The following NAALADL2 variants were observed in gnomAD, a reference collection of about 807,000 sequenced individuals.
NAALADL2 encodes inactive N-acetylated-alpha-linked acidic dipeptidase-like protein 2.
In NAALADL2, 76 loss-of-function variants were observed where a neutral mutation model predicts 87.2. The ratio of observed to expected loss-of-function variants is 0.87; its 90% CI spans 0.72 to 1.05. The LOEUF is 1.05. NAALADL2 is among the 50% of genes least tolerant of loss of function. NAALADL2 has a pLI of 0.00. For missense variants in NAALADL2, 1,089 were observed against 945.8 expected (o/e 1.15, Z -1.99); for synonymous variants, 354 against 331.0 (o/e 1.07, Z -0.75).
At chr3:175,444,111 G>T (rs539756840) in intron 5 of NAALADL2, among the ~76,000 whole-genome samples, 1 of 152,308 alleles carries the variant, frequency 6.6e-6, no homozygotes, top group South Asian at 2.1e-4. Context: ...TGAAGTATAA[G>T]GTTTGGGATC....
At chr3:174,534,727 C>T (rs761783846) in intron 1 of NAALADL2, among the ~76,000 whole-genome samples, 1 of 152,108 alleles carries the variant, frequency 6.6e-6, no homozygotes, top group Non-Finnish European at 1.5e-5. Context: ...TGAGTCTAAT[C>T]AGGATCGTCT....
chr3:174,618,253 G>C (rs545919250), intron 2 of NAALADL2, among the ~76,000 whole-genome samples: 1 of 151,768 alleles, frequency 6.6e-6, no homozygotes, highest in East Asian at 1.9e-4. Flanking sequence ...TCCATAAATT[G>C]CTTGTCCACT....
At chr3:174,782,430 C>T (rs1156425869) in intron 3 of NAALADL2, among the ~76,000 whole-genome samples, 1 of 151,302 alleles carries the variant, frequency 6.6e-6, no homozygotes, top group Non-Finnish European at 1.5e-5. Flanking sequence ...ATTATTATTC[C>T]AATATTTGCC....
chr3:175,013,858 T>G (rs1293952245), intron 1 of NAALADL2, among the ~76,000 whole-genome samples: 1 of 152,086 alleles, frequency 6.6e-6, no homozygotes, highest in Admixed American at 6.6e-5. Context: ...TAAGTTTTGA[T>G]TGGTCCTCAG....
Position 174,770,667 on chromosome 3 carries a change from C to A in NAALADL2, c.-9+32921C>A, listed in dbSNP as rs190378539. Among the ~76,000 whole-genome samples, 385 of 151,940 alleles carry A rather than the reference C, an allele frequency of 2.5e-3. 5 individuals are homozygous for A. Among genetic ancestry groups the A allele is most frequent in the African/African-American group, 8.9e-3 (367 of 41,448 alleles). On this transcript the variant is annotated intron_variant, in intron 3 of 3. Transcript: ENST00000434257. ...CATCCTGGCTAACACGGTGAAAACC[C>A]GTCTCTACTAAATGTACAAAAAATT...
rs577508702 is a variant in NAALADL2 at position 175,436,627 on chromosome 3, G to C, written c.1091-10602G>C. ...TGATGATGAGCATTTTTTCATGTGT[G>C]TTTTGGCTGCATAAATGTCTTCTTT... On this transcript the variant is annotated intron_variant, in intron 5 of 13. Coordinates refer to ENST00000454872, the MANE Select transcript of NAALADL2 (RefSeq NM_207015.3). 1.4e-4 allele frequency among the ~76,000 whole-genome samples: 20 copies of C among 142,506 alleles called. 1 individual carries two copies. Among genetic ancestry groups the C allele is most frequent in the African/African-American group, 4.9e-4 (18 of 36,792 alleles). The allele number at this position is 142,506 out of a possible 152,430, so 93.5% of individuals were successfully genotyped here.
intron 1 of NAALADL2, among the ~76,000 whole-genome samples, chr3:174,897,836 G>C (rs1223938558): frequency 7.2e-6 from 1 of 138,154 alleles, no homozygotes; most frequent in Admixed American, 6.8e-5. Flanking sequence ...GAGATCGGCC[G>C]GGCGCGGTGG....
chr3:174,492,771 C>T (rs1718285601), intron 1 of NAALADL2, among the ~76,000 whole-genome samples: 1 of 152,168 alleles, frequency 6.6e-6, no homozygotes, highest in Admixed American at 6.5e-5. Flanking sequence ...AATAAGACAA[C>T]ATAGAATCAG....
At chr3:175,305,203 G>A (rs1012054244) in intron 4 of NAALADL2, among the ~76,000 whole-genome samples, 5 of 151,844 alleles carry the variant, frequency 3.3e-5, no homozygotes, top group Admixed American at 2.6e-4. Context: ...CACATGTATA[G>A]AATATTTTGT....
At chr3:175,775,533 T>C (rs1395574859) in intron 13 of NAALADL2, among the ~76,000 whole-genome samples, 1 of 152,086 alleles carries the variant, frequency 6.6e-6, no homozygotes. Flanking sequence ...TCAGCAAACA[T>C]TTATGTGCCT....
intron 5 of NAALADL2, among the ~76,000 whole-genome samples, chr3:175,400,654 G>A (rs1282180523): frequency 6.6e-6 from 1 of 152,078 alleles, no homozygotes; most frequent in Admixed American, 6.6e-5. Context: ...AGGATATAAA[G>A]CTTAAAGTTC....
intron 1 of NAALADL2, among the ~76,000 whole-genome samples, chr3:175,076,455 A>C (rs1272494036): frequency 6.6e-6 from 1 of 151,900 alleles, no homozygotes; most frequent in African/African-American, 2.4e-5. Context: ...AATATAGACT[A>C]TTTCTCGCTG....
intron 11 of NAALADL2, among the ~76,000 whole-genome samples, chr3:175,732,092 T>C (rs1406166284): frequency 1.3e-5 from 2 of 152,224 alleles, no homozygotes; most frequent in African/African-American, 4.8e-5. Flanking sequence ...ATTCATTTCC[T>C]GAAGTACAGC....
intron 3 of NAALADL2, among the ~76,000 whole-genome samples, chr3:174,823,921 G>C (rs892296437): frequency 3.9e-5 from 6 of 152,028 alleles, no homozygotes; most frequent in Admixed American, 2.6e-4. Flanking sequence ...ATGTTGGCCA[G>C]GAAGGTATAA....
intron 1 of NAALADL2, among the ~76,000 whole-genome samples, chr3:174,500,151 T>G (rs1718795605): frequency 6.6e-6 from 1 of 152,180 alleles, no homozygotes; most frequent in African/African-American, 2.4e-5. Context: ...TTGTCAAATT[T>G]ATCGTTAAAT....
chr3:174,787,576 C>CATATATATATATATATATATACAT (rs1716826018), intron 3 of NAALADL2, among the ~76,000 whole-genome samples: 1 of 14,734 alleles, frequency 6.8e-5, no homozygotes, highest in African/African-American at 1.8e-4. Flanking sequence ...AATATATCAT[C>CATATATATATATATATATATACAT]ATATATATAT....
chr3:174,484,114 C>T (rs1049498227), intron 1 of NAALADL2, among the ~76,000 whole-genome samples: 8 of 151,224 alleles, frequency 5.3e-5, no homozygotes, highest in African/African-American at 9.7e-5. Flanking sequence ...TTTAATGTGT[C>T]GAGTGTGATT....
chr3:174,467,877 T>G (rs1419954496), intron 1 of NAALADL2, among the ~76,000 whole-genome samples: 5 of 152,124 alleles, frequency 3.3e-5, no homozygotes, highest in African/African-American at 4.8e-5. Flanking sequence ...TAAATATGGC[T>G]GAACAAAATT....
chr3:175,245,411 C>T (rs773781841), intron 3 of NAALADL2, among the ~76,000 whole-genome samples: 31 of 152,146 alleles, frequency 2.0e-4, no homozygotes, highest in Non-Finnish European at 4.0e-4. Flanking sequence ...AAATGAAATC[C>T]TGACAAAACG....
Sources: gnomAD v4.1 joint callset for allele counts (sites outside exome capture counted in the v4.1 genomes callset) on GRCh38, gnomAD v4.1.1 for gene constraint, MANE v1.5 for transcripts, NCBI Gene and HGNC (gene_info 2026-07-23, HGNC 2026-07-21) for gene names.